LRP1B: variants seen among roughly 807,000 people sequenced by gnomAD.
The protein encoded by LRP1B is low-density lipoprotein receptor-related protein 1B.
LRP1B carries 217 observed loss-of-function variants against 556.6 expected under a neutral mutation model. The ratio of observed to expected loss-of-function variants is 0.39; its 90% CI spans 0.35 to 0.44. LRP1B has a LOEUF of 0.44. Ranked by LOEUF, LRP1B falls within the 20% of genes least tolerant of loss-of-function variation. LRP1B has a pLI of 1.00. For missense variants in LRP1B, 5,053 were observed against 5,620.8 expected (o/e 0.90, Z 3.23); for synonymous variants, 2,047 against 1,865.8 (o/e 1.10, Z -2.50).
intron 3 of LRP1B, among the ~76,000 whole-genome samples, chr2:141,289,003 TC>T (rs1212383670): frequency 6.6e-6 from 1 of 152,220 alleles, no homozygotes; most frequent in African/African-American, 2.4e-5. Context: ...GCTACTTTTT[TC>T]TTCTCTTCAC....
rs191652216 is a variant in LRP1B at position 140,481,120 on chromosome 2, C to A, written c.9425+4223G>T. Among the ~76,000 whole-genome samples the A allele has an allele frequency of 4.1e-4, 62 of 152,274 alleles. 1 individual carries two copies. In the East Asian group the frequency reaches 0.01, roughly 26 times the overall value. ...ATCTCATGTGTCCTGCCCGCCTAGG[C>A]CTCCCAAAGTACAGGAATTACAGGC... On this transcript the variant is annotated intron_variant, in intron 59 of 90. Transcript: ENST00000389484.
chr2:140,525,608 T>G (rs991256478), intron 49 of LRP1B, among the ~76,000 whole-genome samples: 19 of 152,116 alleles, frequency 1.2e-4, no homozygotes, highest in African/African-American at 4.6e-4. Context: ...GGTTAATAAC[T>G]AAACATAAAA....
At chr2:141,376,607 G>A (rs1333140679) in intron 3 of LRP1B, among the ~76,000 whole-genome samples, 1 of 150,634 alleles carries the variant, frequency 6.6e-6, no homozygotes, top group Middle Eastern at 3.4e-3. Context: ...ATGCAGAAAT[G>A]TTTTAAAATA....
At chr2:141,344,674 A>T (rs1385930599) in intron 3 of LRP1B, among the ~76,000 whole-genome samples, 1 of 152,164 alleles carries the variant, frequency 6.6e-6, no homozygotes, top group Non-Finnish European at 1.5e-5. Context: ...CCTCCATTGA[A>T]ATATAAGCTC....
rs910173404 is a variant in LRP1B, at chr2:141,867,047, G to A, written c.83-56646C>T. 4.6e-5 allele frequency among the ~76,000 whole-genome samples: 7 copies of A among 151,986 alleles called. 1 individual carries two copies. The highest frequency in any genetic ancestry group is 2.1e-4 in the South Asian group (1 of 4,814). On this transcript the variant is annotated intron_variant, in intron 1 of 90. Transcript: ENST00000389484. Reference sequence around the variant, plus strand: ...TTAGGTCAACAAAAGCAGCCCTTTCGTATATACTAGTTATAGAGAAAAAGC... The same window carrying A: ...TTAGGTCAACAAAAGCAGCCCTTTCATATATACTAGTTATAGAGAAAAAGC...
At chr2:140,833,792 T>C (rs1183364466) in intron 31 of LRP1B, among the ~76,000 whole-genome samples, 1 of 152,186 alleles carries the variant, frequency 6.6e-6, no homozygotes, top group East Asian at 1.9e-4. Context: ...ACGAACATGT[T>C]AGTGTACAAA....
At chr2:140,986,089 T>G (rs1372960518) in intron 17 of LRP1B, among the ~76,000 whole-genome samples, 1 of 146,440 alleles carries the variant, frequency 6.8e-6, no homozygotes, top group Non-Finnish European at 1.5e-5. Context: ...TAAATAGTAC[T>G]GTTTATTTTC....
rs764167241 is a variant in LRP1B, at chr2:140,993,947, A to G, written c.2644+48T>C. On this transcript the variant is annotated intron_variant, in intron 16 of 90. Transcript: ENST00000389484. ...AACTGCCTTGATAATTCACACACTCAAAGACTCAGGAAAATACAATTTTTA... is the reference window on the plus strand; with the variant it reads ...AACTGCCTTGATAATTCACACACTCGAAGACTCAGGAAAATACAATTTTTA... 2.3e-5 allele frequency: 37 copies of G among 1,593,106 alleles called. 1 individual carries two copies. The South Asian group carries it at 4.0e-4, about 17-fold the overall frequency.
intron 3 of LRP1B, among the ~76,000 whole-genome samples, chr2:141,308,872 A>C (rs1419267631): frequency 3.3e-5 from 5 of 152,140 alleles, no homozygotes; most frequent in Non-Finnish European, 5.9e-5. Context: ...AACTAAAATA[A>C]ATTTTATTTA....
chr2:140,336,929 T>C (rs1681133335), intron 77 of LRP1B, among the ~76,000 whole-genome samples: 1 of 151,742 alleles, frequency 6.6e-6, no homozygotes, highest in South Asian at 2.1e-4. Flanking sequence ...GTAGAAACAA[T>C]TATTTGAAGG....
At chr2:141,742,003 T>C (rs1693725536) in intron 2 of LRP1B, among the ~76,000 whole-genome samples, 1 of 152,200 alleles carries the variant, frequency 6.6e-6, no homozygotes, top group African/African-American at 2.4e-5. Context: ...TTCATTCTTC[T>C]GCATATGAAT....
chr2:141,809,460 G>A (rs748313533), intron 2 of LRP1B, among the ~76,000 whole-genome samples: 1 of 151,924 alleles, frequency 6.6e-6, no homozygotes, highest in Non-Finnish European at 1.5e-5. Context: ...TGCCTGAAGA[G>A]CACAGGTTGA....
At chr2:141,756,962 T>C (rs1694345213) in intron 2 of LRP1B, among the ~76,000 whole-genome samples, 1 of 152,116 alleles carries the variant, frequency 6.6e-6, no homozygotes, top group South Asian at 2.1e-4. Context: ...CATACACATA[T>C]GCAAATACAC....
At chr2:141,881,032 A>G (rs578104346) in intron 1 of LRP1B, among the ~76,000 whole-genome samples, 1 of 152,238 alleles carries the variant, frequency 6.6e-6, no homozygotes, top group African/African-American at 2.4e-5. Context: ...GAAAGGAAAT[A>G]AAAACCGAGC....
At chr2:141,057,459 G>A (rs957442887) in intron 9 of LRP1B, among the ~76,000 whole-genome samples, 3 of 151,764 alleles carry the variant, frequency 2.0e-5, no homozygotes, top group Non-Finnish European at 4.4e-5. Flanking sequence ...TCTCTGATAT[G>A]GTTTGTCTGT....
At chr2:141,083,862 A>T (rs1699984530) in intron 7 of LRP1B, among the ~76,000 whole-genome samples, 1 of 152,198 alleles carries the variant, frequency 6.6e-6, no homozygotes, top group Admixed American at 6.5e-5. Context: ...CACAGTTTTC[A>T]TTCAGAACTG....
intron 7 of LRP1B, among the ~76,000 whole-genome samples, chr2:141,089,705 T>G (rs1262173954): frequency 1.3e-5 from 2 of 151,662 alleles, no homozygotes; most frequent in African/African-American, 4.8e-5. Context: ...AATGAGGGAG[T>G]TGGGATATTT....
intron 21 of LRP1B, among the ~76,000 whole-genome samples, chr2:140,915,427 T>A: frequency 6.6e-6 from 1 of 151,774 alleles, no homozygotes; most frequent in Non-Finnish European, 1.5e-5. Context: ...GGTGGGTGAA[T>A]CACTTGAAGT....
At chr2:141,865,368 G>A (rs377280366) in intron 1 of LRP1B, among the ~76,000 whole-genome samples, 15 of 151,822 alleles carry the variant, frequency 9.9e-5, no homozygotes, top group African/African-American at 3.1e-4. Flanking sequence ...CGAGGCGGGC[G>A]GATCACGAGG....
Sources: allele counts gnomAD v4.1 joint callset (sites outside exome capture counted in the v4.1 genomes callset), GRCh38; gene constraint gnomAD v4.1.1; transcripts MANE v1.5; gene names NCBI Gene and HGNC (gene_info 2026-07-23, HGNC 2026-07-21).